OTOG: variants seen among roughly 807,000 people sequenced by gnomAD.
OTOG encodes otogelin.
Under a neutral mutation model 313.8 loss-of-function variants are expected in OTOG, and 296 were observed. The observed-to-expected ratio is 0.94, with a 90% CI of 0.86 to 1.04. The LOEUF (loss-of-function observed/expected upper bound fraction) is 1.04, where lower values mean the gene tolerates loss of function less well. Ranked by LOEUF, OTOG falls within the 50% of genes least tolerant of loss-of-function variation. The pLI is 0.00. For missense variants in OTOG, 3,948 were observed against 3,840.1 expected (o/e 1.03, Z -0.74); for synonymous variants, 1,533 against 1,554.9 (o/e 0.99, Z 0.33).
In OTOG at chr11:17,596,183, C is replaced by T. The variant is rs758580270; in HGVS notation, c.3525+29C>T. 1.2e-5 allele frequency: 17 copies of T among 1,466,160 alleles called. No individual in the cohort carries two copies. In the Middle Eastern group the frequency reaches 5.1e-4, roughly 44 times the overall value. The allele number at this position is 1,466,160 out of a possible 1,614,324, so 90.8% of individuals were successfully genotyped here. ...AGTGTACCCCAGCCTCGGCTCCTCCCGAGTGCCCCCTCCACTGTCCTGGGA... is the reference window on the plus strand; with the variant it reads ...AGTGTACCCCAGCCTCGGCTCCTCCTGAGTGCCCCCTCCACTGTCCTGGGA... On this transcript the variant is annotated intron_variant, in intron 29 of 55. Coordinates refer to ENST00000399397, the MANE Select transcript of OTOG (RefSeq NM_001292063.2).
chr11:17,612,073 C>T (rs111734296), intron 36 of OTOG, 89 bp from the exon 37 acceptor site: 5 of 1,463,036 alleles, frequency 3.4e-6, no homozygotes, highest in African/African-American at 2.8e-5. Flanking sequence ...CTAGGACCTA[C>T]ATGTGGGAAG....
At position 17,561,693 on chromosome 11, in the gene OTOG, C is replaced by T. The variant is rs943969047; in HGVS notation, c.1530C>T (p.Phe510=). Residue 510 remains phenylalanine, a synonymous_variant, in exon 15 of 56, where the codon TTC becomes TTT. Coordinates refer to ENST00000399397, the MANE Select transcript of OTOG (RefSeq NM_001292063.2). ...AECSVTGDIH[F]TTFDGRRYTF... ...GCTCAGTGACTGGTGACATTCACTT[C>T]ACAACCTTTGATGGCCGCCGGTACA... The T allele has an allele frequency of 1.3e-6, 2 of 1,550,452 alleles. No individual in the cohort carries two copies. The highest frequency in any genetic ancestry group is 1.4e-5 in the African/African-American group (1 of 73,046).
At chr11:17,630,521 A>C (rs1430787542) in intron 40 of OTOG, among the ~76,000 whole-genome samples, 1 of 152,232 alleles carries the variant, frequency 6.6e-6, no homozygotes, top group Non-Finnish European at 1.5e-5. Flanking sequence ...GTTAGAACAG[A>C]AGTCAGATCA....
At chr11:17,555,685 G>A (rs1852040798) in intron 6 of OTOG, 94 bp from the exon 7 acceptor site, 2 of 964,328 alleles carry the variant, frequency 2.1e-6, no homozygotes, top group Non-Finnish European at 3.2e-6. Flanking sequence ...GCAGGGGACA[G>A]CCATCGGCAT....
At chr11:17,621,335 A>G (rs1454378073) in intron 39 of OTOG, among the ~76,000 whole-genome samples, 1 of 152,094 alleles carries the variant, frequency 6.6e-6, no homozygotes, top group East Asian at 1.9e-4. Context: ...GTGTGATTTT[A>G]TTCTTTATCC....
Position 17,645,642 on chromosome 11 carries a change from C to A in OTOG, c.8540C>A (p.Pro2847His). Residue 2847 changes from proline (P) to histidine (H), a missense_variant and splice_region_variant, in exon 55 of 56, where the codon CCT becomes CAT. Coordinates refer to ENST00000399397, the MANE Select transcript of OTOG (RefSeq NM_001292063.2). Reference sequence around the variant, plus strand: ...AAGAATGAATGCAGGAGCAGCACCCCTGTGCGTGGTGCCCACAAGGCAGTG... The same window carrying A: ...AAGAATGAATGCAGGAGCAGCACCCATGTGCGTGGTGCCCACAAGGCAGTG... Reference protein sequence around the residue: ...IRKNECRSSTPVNLVSCDGRC... With the variant: ...IRKNECRSSTHVNLVSCDGRC... 1.3e-6 allele frequency: 2 copies of A among 1,550,686 alleles called. No individual in the cohort carries two copies. The highest frequency in any genetic ancestry group is 3.9e-5 in the Admixed American group (2 of 51,016).
intron 39 of OTOG, among the ~76,000 whole-genome samples, chr11:17,627,224 C>T (rs1854004875): frequency 6.6e-6 from 1 of 152,064 alleles, no homozygotes. Context: ...TTTTCATTTT[C>T]CCCCATTCAA....
intron 33 of OTOG, among the ~76,000 whole-genome samples, chr11:17,607,237 G>A (rs1853411760): frequency 6.6e-6 from 1 of 152,264 alleles, no homozygotes; most frequent in African/African-American, 2.4e-5. Context: ...ACAGCTGGCA[G>A]CAGTGTTCAG....
chr11:17,593,384 G>A, intron 26 of OTOG, 57 bp downstream of exon 26: 1 of 1,533,792 alleles, frequency 6.5e-7, no homozygotes, highest in Non-Finnish European at 8.8e-7. Context: ...CCAGGGTTGG[G>A]GCAGAAGAGG....
chr11:17,589,123 TG>T (rs1414531165), intron 24 of OTOG, among the ~76,000 whole-genome samples: 1 of 152,164 alleles, frequency 6.6e-6, no homozygotes, highest in East Asian at 1.9e-4. Context: ...TTACTTCCTT[TG>T]TACCTGCACC....
At chr11:17,563,198 G>A (rs1022129425) in intron 15 of OTOG, among the ~76,000 whole-genome samples, 3 of 152,224 alleles carry the variant, frequency 2.0e-5, no homozygotes, top group African/African-American at 7.2e-5. Context: ...AGACTCCGTT[G>A]TCCCTGGGTT....
chr11:17,606,761 G>A (rs1853400697), intron 33 of OTOG, among the ~76,000 whole-genome samples: 1 of 152,208 alleles, frequency 6.6e-6, no homozygotes, highest in African/African-American at 2.4e-5. Flanking sequence ...GTCTGTGGGT[G>A]GATCCATTTG....
chr11:17,631,772 C>T lies in OTOG; in HGVS notation c.6783C>T (p.Asp2261=). ...GCTCAGTGGTGGGTGGGGCTGAGGA[C>T]CCTGCTCCCTTTCTGGACAGCTGGC... ...KDGSVVGGAE[D]PAPFLDSWQV... is the part of the protein sequence containing the mutation. Residue 2261 remains aspartate, a synonymous_variant, in exon 41 of 56, where the codon GAC becomes GAT. Transcript: ENST00000399397. 4 of 1,550,578 alleles carry T rather than the reference C, an allele frequency of 2.6e-6. No homozygotes were observed. The highest frequency in any genetic ancestry group is 3.5e-6 in the Non-Finnish European group (4 of 1,146,988).
intron 24 of OTOG, among the ~76,000 whole-genome samples, chr11:17,587,923 T>C (rs1399223974): frequency 1.3e-5 from 2 of 152,162 alleles, no homozygotes; most frequent in Non-Finnish European, 2.9e-5. Context: ...TTCCATCACT[T>C]CCCTGGACTC....
chr11:17,575,588 G>A (rs892089875), intron 20 of OTOG, among the ~76,000 whole-genome samples: 2 of 152,202 alleles, frequency 1.3e-5, no homozygotes, highest in African/African-American at 4.8e-5. Flanking sequence ...ACGTGATCTT[G>A]GGGCGACTGG....
Position 17,570,391 on chromosome 11 carries a change from G to A in OTOG, c.1955+1G>A, listed in dbSNP as rs1242861470. The A allele has an allele frequency of 1.3e-6, 2 of 1,550,268 alleles. No homozygotes were observed. The highest frequency in any genetic ancestry group is 1.4e-5 in the African/African-American group (1 of 73,162). On this transcript the variant is annotated splice_donor_variant, in intron 17 of 55. Transcript: ENST00000399397. LOFTEE classifies it high-confidence loss of function. ...ATGGCAACACGCAGGATGACTTCCT[G>A]TACGTAGCCCTGCCACGGAACCCGA...
chr11:17,632,485 T>C (rs1854154380), intron 42 of OTOG, among the ~76,000 whole-genome samples: 1 of 152,178 alleles, frequency 6.6e-6, no homozygotes, highest in Non-Finnish European at 1.5e-5. Context: ...AGTAATTGTA[T>C]TGTTATTTTA....
Position 17,631,707 on chromosome 11 carries a change from T to C in OTOG, c.6718T>C (p.Cys2240Arg), listed in dbSNP as rs1854131070. ...KAQGHGLCGI[C>R]DGDAANDLTL... Reference sequence around the variant, plus strand: ...GATTGTTTGGCCCCTTTCAGGTATCTGTGATGGAGATGCAGCCAATGACCT... The same window carrying C: ...GATTGTTTGGCCCCTTTCAGGTATCCGTGATGGAGATGCAGCCAATGACCT... Residue 2240 changes from cysteine to arginine, a missense_variant, in exon 41 of 56, where the codon TGT becomes CGT. Cys to Arg is a radical substitution (Grantham distance 180). Coordinates refer to ENST00000399397, the MANE Select transcript of OTOG (RefSeq NM_001292063.2). The C allele has an allele frequency of 1.9e-6, 3 of 1,549,862 alleles. No individual in the cohort carries two copies. The highest frequency in any genetic ancestry group is 2.6e-6 in the Non-Finnish European group (3 of 1,146,474).
At position 17,601,980 on chromosome 11, in the gene OTOG, T is replaced by A. The variant is rs117652570; in HGVS notation, c.3710-230T>A. Among the ~76,000 whole-genome samples, 258 of 152,254 alleles carry A rather than the reference T, an allele frequency of 1.7e-3. 1 individual carries two copies. In the East Asian group the frequency reaches 0.021, roughly 12 times the overall value. ...CTTCCTTGGCTCCCTGTGAAGTGAC[T>A]CAGGCACTGTGCAGTGGGTCTGTTC... On this transcript the variant is annotated intron_variant, in intron 31 of 55. Coordinates refer to ENST00000399397, the MANE Select transcript of OTOG (RefSeq NM_001292063.2).
Sources: allele counts gnomAD v4.1 joint callset (sites outside exome capture counted in the v4.1 genomes callset), GRCh38; gene constraint gnomAD v4.1.1; transcripts MANE v1.5; gene names NCBI Gene and HGNC (gene_info 2026-07-23, HGNC 2026-07-21).